Variants in KCNC1 observed in about 807,000 individuals in gnomAD.
The protein encoded by KCNC1 is potassium voltage-gated channel subfamily C member 1.
A neutral mutation model predicts 43.4 loss-of-function variants in KCNC1; 8 were observed. The observed-to-expected ratio is 0.18, with a 90% CI of 0.11 to 0.33. The LOEUF (loss-of-function observed/expected upper bound fraction) is 0.33, where lower values mean the gene tolerates loss of function less well. KCNC1 is among the 10% of genes least tolerant of loss of function. The pLI is 1.00. For missense variants in KCNC1, 420 were observed against 836.0 expected (o/e 0.50, Z 6.14); for synonymous variants, 361 against 360.5 (o/e 1.00, Z -0.01).
At chr11:17,740,448 G>C (rs937368271) in intron 1 of KCNC1, among the ~76,000 whole-genome samples, 2 of 152,110 alleles carry the variant, frequency 1.3e-5, no homozygotes, top group Non-Finnish European at 2.9e-5. Flanking sequence ...GGGCAGGGGG[G>C]TCATAGAGGT....
chr11:17,773,221 G>A lies in KCNC1; in HGVS notation c.1504+623G>A, dbSNP rs536132816. The A allele has an allele frequency of 5.1e-6, 5 of 985,992 alleles. No individual in the cohort carries two copies. The African/African-American group carries it at 5.2e-5, about 10-fold the overall frequency. The allele number at this position is 985,992 out of a possible 1,614,324, so 61.1% of individuals were successfully genotyped here. On this transcript the variant is annotated intron_variant, in intron 2 of 3. Coordinates refer to ENST00000265969, the MANE Select transcript of KCNC1 (RefSeq NM_001112741.2). The surrounding 1 kb of genome is among the most constrained non-coding windows in gnomAD (Gnocchi z 4.1). The stretch of plus-strand genomic sequence containing the variant: ...CCAGGAGACGCCTGTAGCCCTCCGT[G>A]ACAAGCTTACTTACCCCATAGCATG...
At chr11:17,766,295 A>G (rs1028143410) in intron 1 of KCNC1, among the ~76,000 whole-genome samples, 7 of 152,190 alleles carry the variant, frequency 4.6e-5, no homozygotes, top group African/African-American at 1.7e-4. Flanking sequence ...TGGTGGGGAC[A>G]CTGTTGTAGT....
chr11:17,777,074 C>G lies in KCNC1; in HGVS notation c.1505-2382C>G, dbSNP rs1415942329. On this transcript the variant is annotated intron_variant, in intron 2 of 3. Transcript: ENST00000265969. The surrounding 1 kb of genome is among the most constrained non-coding windows in gnomAD (Gnocchi z 4.3). ...CCTCCAGGGATCCCTGATGGATGTT[C>G]CTTGTCCCCTGCCCAAAACCATCCC... 1.0e-6 allele frequency: 1 copy of G among 985,040 alleles called. No individual in the cohort carries two copies. Among genetic ancestry groups the G allele is most frequent in the Non-Finnish European group, 1.2e-6 (1 of 829,888 alleles). The allele number at this position is 985,040 out of a possible 1,614,324, so 61.0% of individuals were successfully genotyped here.
chr11:17,768,612 T>TGGG lies in KCNC1; in HGVS notation c.571-3044_571-3042dup, dbSNP rs71457883. ...GAGTACAGTGGAGAATGGATGTTGG[T>TGGG]GGGGGGGGGGGCGGTTTGGGAATGG... is the stretch of plus-strand genomic sequence containing the variant. On this transcript the variant is annotated intron_variant, in intron 1 of 3. Coordinates refer to ENST00000265969, the MANE Select transcript of KCNC1 (RefSeq NM_001112741.2). Among the ~76,000 whole-genome samples, 120 of 105,488 alleles carry TGGG rather than the reference T, an allele frequency of 1.1e-3. 1 individual carries two copies. Among genetic ancestry groups the TGGG allele is most frequent in the East Asian group, 1.9e-3 (6 of 3,128 alleles). The allele number at this position is 105,488 out of a possible 152,430, so 69.2% of individuals were successfully genotyped here.
chr11:17,753,517 C>T (rs1848991223), intron 1 of KCNC1, among the ~76,000 whole-genome samples: 1 of 152,232 alleles, frequency 6.6e-6, no homozygotes, highest in African/African-American at 2.4e-5. Context: ...AGGGAAGGGA[C>T]TTGGGTCTAG....
At chr11:17,775,537 C>T (rs1168076407) in intron 2 of KCNC1, 2 of 985,428 alleles carry the variant, frequency 2.0e-6, no homozygotes, top group South Asian at 4.7e-5. Context: ...CCAGGGATTG[C>T]CTAGGGCTGA....
chr11:17,781,800 A>G lies in KCNC1; in HGVS notation c.*66A>G, dbSNP rs1849348991. The G allele has an allele frequency of 1.8e-6, 2 of 1,099,332 alleles. No homozygotes were observed. The highest frequency in any genetic ancestry group is 2.7e-6 in the Non-Finnish European group (2 of 737,070). 68.1% of individuals were successfully genotyped at this position (1,099,332 alleles called of 1,614,324 possible). A position where few individuals can be genotyped will look rare whatever the true frequency, so the allele number is the denominator to read the frequency against. ...CTGGGTGGACCTGCAGCCCCTCCTC[A>G]CCCTCGGACAGAGTAAATTCACGCC... On this transcript the variant is annotated 3_prime_UTR_variant, in exon 4 of 4. Transcript: ENST00000265969. This position sits in a 1 kb window ranked among gnomAD's most constrained non-coding sequence, Gnocchi z 5.1.
chr11:17,764,530 TC>T (rs973701739), intron 1 of KCNC1, among the ~76,000 whole-genome samples: 1 of 151,542 alleles, frequency 6.6e-6, no homozygotes, highest in Non-Finnish European at 1.5e-5. Flanking sequence ...CCGCTAACAC[TC>T]CCCCCAGTGC....
At chr11:17,746,934 G>A (rs1193409336) in intron 1 of KCNC1, among the ~76,000 whole-genome samples, 1 of 152,190 alleles carries the variant, frequency 6.6e-6, no homozygotes, top group African/African-American at 2.4e-5. Context: ...GAAGTTGGGA[G>A]GATCCAATGT....
At chr11:17,759,794 A>G (rs1849058156) in intron 1 of KCNC1, among the ~76,000 whole-genome samples, 1 of 152,210 alleles carries the variant, frequency 6.6e-6, no homozygotes, top group South Asian at 2.1e-4. Context: ...GAGATCAATG[A>G]TCACAGGTCA....
intron 1 of KCNC1, among the ~76,000 whole-genome samples, chr11:17,753,561 T>A (rs1476577856): frequency 6.6e-6 from 1 of 152,192 alleles, no homozygotes; most frequent in Non-Finnish European, 1.5e-5. Flanking sequence ...GATTTGAAGG[T>A]CCTGTCATCG....
chr11:17,774,395 AG>A (rs1849263093), intron 2 of KCNC1: 1 of 985,402 alleles, frequency 1.0e-6, no homozygotes, highest in Non-Finnish European at 1.2e-6. Context: ...TGGATCTTTC[AG>A]GAGTGTTGCC....
intron 1 of KCNC1, among the ~76,000 whole-genome samples, chr11:17,770,825 C>G (rs1293882703): frequency 6.6e-6 from 1 of 152,106 alleles, no homozygotes; most frequent in Non-Finnish European, 1.5e-5. Flanking sequence ...ACACCCCTAC[C>G]CTAGGGCTGG....
intron 1 of KCNC1, among the ~76,000 whole-genome samples, chr11:17,764,346 TC>T (rs1296900858): frequency 6.9e-6 from 1 of 144,450 alleles, no homozygotes; most frequent in Non-Finnish European, 1.5e-5. Context: ...CCATATGTGT[TC>T]CCCACACACC....
At chr11:17,749,198 T>G (rs1848937421) in intron 1 of KCNC1, among the ~76,000 whole-genome samples, 2 of 152,096 alleles carry the variant, frequency 1.3e-5, no homozygotes, top group South Asian at 4.2e-4. Flanking sequence ...ATAACGAGAG[T>G]CCCTACTTCA....
rs1848812972 is a variant in KCNC1 at position 17,739,540 on chromosome 11, A to G, written c.570+2968A>G. Among the ~76,000 whole-genome samples, 1 of 151,642 alleles carries G rather than the reference A, an allele frequency of 6.6e-6. No homozygotes were observed. Among genetic ancestry groups the G allele is most frequent in the South Asian group, 2.1e-4 (1 of 4,794 alleles). ...GGGAGAGAGTGTGTATAAGGAAGAGAGACTGCATGTGTAAGAGAGATGCTG... is the reference window on the plus strand; with the variant it reads ...GGGAGAGAGTGTGTATAAGGAAGAGGGACTGCATGTGTAAGAGAGATGCTG... On this transcript the variant is annotated intron_variant, in intron 1 of 3. Transcript: ENST00000265969. This position sits in a 1 kb window ranked among gnomAD's most constrained non-coding sequence, Gnocchi z 4.2.
Position 17,735,023 on chromosome 11 carries a change from A to C in KCNC1, c.-980A>C, listed in dbSNP as rs1474661576. The C allele has an allele frequency of 6.6e-6, 1 of 150,446 alleles. No homozygotes were observed. The highest frequency in any genetic ancestry group is 2.4e-5 in the African/African-American group (1 of 41,122). The allele number at this position is 150,446 out of a possible 1,614,324, so 9.3% of individuals were successfully genotyped here. A position where few individuals can be genotyped will look rare whatever the true frequency, so the allele number is the denominator to read the frequency against. The stretch of plus-strand genomic sequence containing the variant: ...GGAGCGGAGTGCGGGGCGCAGAGGC[A>C]CCGGAGCCAGTGCCCGCCGGCCCCG... On this transcript the variant is annotated 5_prime_UTR_variant, in exon 1 of 4. Transcript: ENST00000265969. This position sits in a 1 kb window ranked among gnomAD's most constrained non-coding sequence, Gnocchi z 6.7.
intron 1 of KCNC1, among the ~76,000 whole-genome samples, chr11:17,766,090 C>T (rs934770162): frequency 6.6e-6 from 1 of 152,122 alleles, no homozygotes; most frequent in Non-Finnish European, 1.5e-5. Context: ...AGGGAGCTGC[C>T]GGGGCACAGC....
rs1849237719 is a variant in KCNC1 at position 17,772,219 on chromosome 11, C to T, written c.1125C>T (p.Asp375=). 1.9e-6 allele frequency: 3 copies of T among 1,614,088 alleles called. No individual in the cohort carries two copies. The highest frequency in any genetic ancestry group is 1.7e-6 in the Non-Finnish European group (2 of 1,180,040). ...AGAGGATAGGGGCACAGCCCAATGA[C>T]CCCAGCGCCAGTGAGCACACGCACT... The part of the protein sequence containing the change: ...YAERIGAQPN[D]PSASEHTHFK... The change falls in exon 2 of 4, where the codon GAC becomes GAT. Residue 375 remains aspartate, a synonymous_variant. Transcript: ENST00000265969.
Sources: allele counts gnomAD v4.1 joint callset (sites outside exome capture counted in the v4.1 genomes callset), GRCh38; gene constraint gnomAD v4.1.1; non-coding constraint Gnocchi (gnomAD v3.1); transcripts MANE v1.5; gene names NCBI Gene and HGNC (gene_info 2026-07-23, HGNC 2026-07-21).